TMEM132D: variants seen among roughly 807,000 people sequenced by gnomAD.
The protein encoded by TMEM132D is transmembrane protein 132D.
Under a neutral mutation model 62.3 loss-of-function variants are expected in TMEM132D, and 21 were observed. That is an observed-to-expected ratio of 0.34 (90% CI 0.24 to 0.49). The LOEUF is 0.49. Among genes scored for constraint, TMEM132D ranks in the 20% least tolerant of loss-of-function variants. TMEM132D has a pLI of 0.99. For synonymous variants in TMEM132D, 621 were observed against 575.6 expected, an observed-to-expected ratio of 1.08 and a Z score of -1.13; for missense variants, 1,346 against 1,402.8, an observed-to-expected ratio of 0.96 and a Z score of 0.65.
rs1167681203 is a variant in TMEM132D at position 129,088,060 on chromosome 12, ATGACCGGGGTGTCCTCCC to A, written c.1444-3376_1444-3359del. On this transcript the variant is annotated intron_variant, in intron 5 of 8. Transcript: ENST00000422113. ...TGTCCTCTATGACCGGGTGTCCTCC[ATGACCGGGGTGTCCTCCC>A]TGACCGGGTGTCCTCCCTGACCGGG... Among the ~76,000 whole-genome samples the A allele has an allele frequency of 1.3e-3, 53 of 39,340 alleles. 10 individuals carry two copies. Among genetic ancestry groups the A allele is most frequent in the Admixed American group, 2.5e-3 (7 of 2,794 alleles). The allele number at this position is 39,340 out of a possible 152,430, so 25.8% of individuals were successfully genotyped here.
intron 5 of TMEM132D, among the ~76,000 whole-genome samples, chr12:129,093,529 A>T (rs1874999818): frequency 6.6e-6 from 1 of 152,210 alleles, no homozygotes; most frequent in South Asian, 2.1e-4. Context: ...TCAATGAAAT[A>T]AAAGAGGATG....
chr12:129,341,438 C>A (rs1208551302), intron 3 of TMEM132D, among the ~76,000 whole-genome samples: 2 of 152,196 alleles, frequency 1.3e-5, no homozygotes, highest in Non-Finnish European at 2.9e-5. Context: ...GTCCAGGCAT[C>A]ATCCTTACAG....
At chr12:129,194,018 T>C (rs1050625361) in intron 5 of TMEM132D, among the ~76,000 whole-genome samples, 2 of 152,262 alleles carry the variant, frequency 1.3e-5, no homozygotes, top group East Asian at 3.8e-4. Context: ...TTTGGCATTT[T>C]GACCTTCAGG....
At chr12:129,846,315 C>A (rs565492839) in intron 1 of TMEM132D, among the ~76,000 whole-genome samples, 10 of 152,320 alleles carry the variant, frequency 6.6e-5, no homozygotes, top group African/African-American at 2.4e-4. Flanking sequence ...CCTTTAGCAT[C>A]TCTTTCACTG....
intron 1 of TMEM132D, among the ~76,000 whole-genome samples, chr12:129,792,010 G>C (rs1011254926): frequency 6.6e-6 from 1 of 152,184 alleles, no homozygotes; most frequent in Non-Finnish European, 1.5e-5. Context: ...CAAGGGTGAC[G>C]TTGTGAGGGG....
Position 129,082,087 on chromosome 12 carries a change from G to A in TMEM132D, c.1650-55C>T, listed in dbSNP as rs1049085444. 158 of 1,540,798 alleles carry A rather than the reference G, an allele frequency of 1.0e-4. 1 individual carries two copies. The highest frequency in any genetic ancestry group is 3.4e-5 in the Non-Finnish European group (39 of 1,144,316). ...AGTTACTTGTTGGTCCTCTGTAAGG[G>A]GCCGTGTGTGGAGCCTGGTGGGGGC... On this transcript the variant is annotated intron_variant, in intron 6 of 8. Coordinates refer to ENST00000422113, the MANE Select transcript of TMEM132D (RefSeq NM_133448.3).
intron 1 of TMEM132D, among the ~76,000 whole-genome samples, chr12:129,817,599 G>A (rs1872386310): frequency 6.6e-6 from 1 of 151,142 alleles, no homozygotes; most frequent in African/African-American, 2.4e-5. Context: ...GATGGTGTGT[G>A]TGTGTGTGTG....
At chr12:129,616,890 G>A (rs1377361516) in intron 2 of TMEM132D, among the ~76,000 whole-genome samples, 5 of 152,214 alleles carry the variant, frequency 3.3e-5, no homozygotes, top group Admixed American at 3.3e-4. Flanking sequence ...AGCAAAAGCT[G>A]ATGTAAGGAG....
chr12:129,644,650 T>C (rs1455126340), intron 2 of TMEM132D, among the ~76,000 whole-genome samples: 1 of 151,884 alleles, frequency 6.6e-6, no homozygotes, highest in African/African-American at 2.4e-5. Context: ...TCTCCCTCAA[T>C]GAGTATTCAG....
intron 5 of TMEM132D, among the ~76,000 whole-genome samples, chr12:129,166,762 CATAT>C (rs1353544931): frequency 1.0e-4 from 2 of 19,688 alleles, no homozygotes; most frequent in Admixed American, 1.5e-3. Flanking sequence ...TACACACACA[CATAT>C]ATATATATAC....
chr12:129,159,537 A>G (rs1412332312), intron 5 of TMEM132D, among the ~76,000 whole-genome samples: 1 of 152,110 alleles, frequency 6.6e-6, no homozygotes, highest in Non-Finnish European at 1.5e-5. Context: ...TGGGCAGATC[A>G]CTTGAGGCCA....
At chr12:129,454,701 C>T (rs978050591) in intron 3 of TMEM132D, among the ~76,000 whole-genome samples, 1 of 152,166 alleles carries the variant, frequency 6.6e-6, no homozygotes, top group Non-Finnish European at 1.5e-5. Flanking sequence ...GTTGCAGGAA[C>T]CAAGGACAGC....
chr12:129,447,735 T>C (rs1487292288), intron 3 of TMEM132D, among the ~76,000 whole-genome samples: 1 of 152,202 alleles, frequency 6.6e-6, no homozygotes, highest in Non-Finnish European at 1.5e-5. Flanking sequence ...TTTCTACATA[T>C]GCAATAAAAT....
chr12:129,169,653 T>C (rs1314073422), intron 5 of TMEM132D, among the ~76,000 whole-genome samples: 1 of 152,188 alleles, frequency 6.6e-6, no homozygotes, highest in African/African-American at 2.4e-5. Flanking sequence ...TTTTTGTTTA[T>C]CTCTATATTT....
intron 5 of TMEM132D, among the ~76,000 whole-genome samples, chr12:129,154,048 C>G (rs938913375): frequency 6.6e-6 from 1 of 152,190 alleles, no homozygotes; most frequent in South Asian, 2.1e-4. Flanking sequence ...CACAATTACT[C>G]TTATTTAAAA....
intron 4 of TMEM132D, among the ~76,000 whole-genome samples, chr12:129,323,537 G>GGTA (rs1469781177): frequency 6.6e-6 from 1 of 152,200 alleles, no homozygotes; most frequent in Admixed American, 6.5e-5. Flanking sequence ...TGTGATTAGA[G>GGTA]GTAGCCTGGC....
chr12:129,211,020 A>G (rs1191442845), intron 4 of TMEM132D: 1 of 152,176 alleles, frequency 6.6e-6, no homozygotes, highest in African/African-American at 2.4e-5. Flanking sequence ...CCCATTTTTC[A>G]GATAGAGAAA....
chr12:129,662,458 T>C (rs896939742), intron 2 of TMEM132D, among the ~76,000 whole-genome samples: 10 of 152,200 alleles, frequency 6.6e-5, no homozygotes, highest in African/African-American at 2.2e-4. Context: ...CTGGCTTTTT[T>C]TGGCCAAGAC....
intron 2 of TMEM132D, among the ~76,000 whole-genome samples, chr12:129,588,167 A>G (rs1158018713): frequency 6.6e-6 from 1 of 152,248 alleles, no homozygotes; most frequent in African/African-American, 2.4e-5. Context: ...ATCATTCAGA[A>G]AAGTTCCATA....
Sources: gnomAD v4.1 joint callset for allele counts (sites outside exome capture counted in the v4.1 genomes callset) on GRCh38, gnomAD v4.1.1 for gene constraint, MANE v1.5 for transcripts, NCBI Gene and HGNC (gene_info 2026-07-23, HGNC 2026-07-21) for gene names.